PIK3C2G: variants seen among roughly 807,000 people sequenced by gnomAD.
PIK3C2G encodes phosphatidylinositol-4-phosphate 3-kinase catalytic subunit type 2 gamma, also known as phosphatidylinositol 3-kinase C2 domain-containing subunit gamma.
Under a neutral mutation model 181.1 loss-of-function variants are expected in PIK3C2G, and 168 were observed. The observed-to-expected ratio is 0.93, with a 90% CI of 0.82 to 1.05. The LOEUF is 1.05. Among genes scored for constraint, PIK3C2G ranks in the 50% least tolerant of loss-of-function variants. The pLI is 0.00. For missense variants in PIK3C2G, 1,869 were observed against 1,732.8 expected, an observed-to-expected ratio of 1.08 and a Z score of -1.40; for synonymous variants, 573 against 592.2, an observed-to-expected ratio of 0.97 and a Z score of 0.47.
At chr12:18,268,232 T>C (rs1452400320) in intron 1 of PIK3C2G, among the ~76,000 whole-genome samples, 2 of 152,168 alleles carry the variant, frequency 1.3e-5, no homozygotes, top group Non-Finnish European at 2.9e-5. Context: ...TGAATGGATG[T>C]GAGTCTTTGT....
chr12:18,409,328 G>T (rs1002443991), intron 16 of PIK3C2G, among the ~76,000 whole-genome samples: 4 of 152,034 alleles, frequency 2.6e-5, no homozygotes, highest in Admixed American at 2.6e-4. Flanking sequence ...GTTCTCGCTT[G>T]TAAGTGGGGG....
Position 18,505,338 on chromosome 12 carries a change from C to T in PIK3C2G, c.3200C>T (p.Thr1067Ile). 3 of 1,612,658 alleles carry T rather than the reference C, an allele frequency of 1.9e-6. No homozygotes were observed. Among genetic ancestry groups the T allele is most frequent in the Non-Finnish European group, 1.7e-6 (2 of 1,179,210 alleles). The stretch of plus-strand genomic sequence containing the variant: ...TCCTGTGCTGGCTGGTGTGTGGTAA[C>T]ATTCATCCTGGGAGTATGTGACCGT... Reference protein sequence around the residue: ...FYSCAGWCVVTFILGVCDRHN... With the variant: ...FYSCAGWCVVIFILGVCDRHN... The change falls in exon 24 of 33, where the codon ACA (threonine) becomes ATA (isoleucine). Residue 1067 changes from threonine to isoleucine, a missense_variant. Physicochemically the swap from Thr to Ile is moderately conservative, Grantham distance 89. Coordinates refer to ENST00000538779, the MANE Select transcript of PIK3C2G (RefSeq NM_001288772.2).
intron 15 of PIK3C2G, among the ~76,000 whole-genome samples, chr12:18,399,260 A>C (rs1339687309): frequency 6.6e-6 from 1 of 151,726 alleles, no homozygotes; most frequent in Non-Finnish European, 1.5e-5. Flanking sequence ...TTTATAAAAA[A>C]TAAAAAAAAT....
the PIK3C2G span, among the ~76,000 whole-genome samples, chr12:18,672,844 G>A: frequency 2.6e-4 from 39 of 152,260 alleles, 1 homozygote; most frequent in Middle Eastern, 0.01. Context: ...AGTCCATTCA[G>A]GGCTACTACC....
the PIK3C2G span, among the ~76,000 whole-genome samples, chr12:18,676,409 G>A: frequency 1.3e-5 from 2 of 152,062 alleles, no homozygotes; most frequent in Admixed American, 6.6e-5. Context: ...AGCAAACTGA[G>A]CATCAGTCTC....
intron 1 of PIK3C2G, among the ~76,000 whole-genome samples, chr12:18,270,486 A>C (rs959695304): frequency 6.6e-6 from 1 of 152,094 alleles, no homozygotes; most frequent in African/African-American, 2.4e-5. Context: ...AATGTGGCCC[A>C]AGGACTACTA....
the PIK3C2G span, among the ~76,000 whole-genome samples, chr12:18,702,118 C>T: frequency 1.3e-5 from 2 of 151,904 alleles, no homozygotes; most frequent in East Asian, 1.9e-4. Context: ...GAAAATGTTA[C>T]AACTTCTGGT....
chr12:18,694,011 T>G, the PIK3C2G span: 1 of 1,482,516 alleles, frequency 6.7e-7, no homozygotes, highest in Non-Finnish European at 9.4e-7. Flanking sequence ...GAACGTAGAA[T>G]GAAAGTAACA....
intron 29 of PIK3C2G, among the ~76,000 whole-genome samples, chr12:18,582,398 G>C (rs7138779): frequency 0.23 from 34,347 of 151,974 alleles, 3,834 homozygotes; most frequent in South Asian, 0.26. Context: ...GAGATCCCCT[G>C]GTGAACCCAC....
chr12:18,396,602 C>T (rs967604697), intron 15 of PIK3C2G, among the ~76,000 whole-genome samples: 14 of 151,492 alleles, frequency 9.2e-5, no homozygotes, highest in Admixed American at 7.9e-4. Context: ...AAGGTCACAG[C>T]ATTTGAGATC....
chr12:18,568,595 G>A (rs1259003322), intron 29 of PIK3C2G, among the ~76,000 whole-genome samples: 1 of 152,000 alleles, frequency 6.6e-6, no homozygotes, highest in East Asian at 1.9e-4. Flanking sequence ...TTCTGTTCAG[G>A]TATTCAATTG....
At chr12:18,680,857 G>T in the PIK3C2G span, among the ~76,000 whole-genome samples, 21 of 152,028 alleles carry the variant, frequency 1.4e-4, no homozygotes, top group African/African-American at 4.6e-4. Flanking sequence ...GTATTTGGAT[G>T]TCGTCAAGAA....
chr12:18,634,468 C>T (rs1949500809), intron 31 of PIK3C2G, among the ~76,000 whole-genome samples: 1 of 152,128 alleles, frequency 6.6e-6, no homozygotes, highest in African/African-American at 2.4e-5. Context: ...AACGCAAATC[C>T]ATTTTCACAG....
intron 31 of PIK3C2G, among the ~76,000 whole-genome samples, chr12:18,637,967 C>G (rs770659560): frequency 6.6e-6 from 1 of 152,074 alleles, no homozygotes; most frequent in Admixed American, 6.5e-5. Context: ...TTAGTGAGCC[C>G]GAAACAACAA....
In PIK3C2G at chr12:18,590,210, T is replaced by C. The variant is rs77777836; in HGVS notation, c.4012-4284T>C. Among the ~76,000 whole-genome samples the C allele has an allele frequency of 6.8e-3, 1,034 of 151,912 alleles. 10 individuals carry two copies. Among genetic ancestry groups the C allele is most frequent in the South Asian group, 0.013 (63 of 4,814 alleles). ...CATAATGTGAGAATCTTCTAGGTATTTCAGGACACTTAGGATAAGTGACAT... is the reference window on the plus strand; with the variant it reads ...CATAATGTGAGAATCTTCTAGGTATCTCAGGACACTTAGGATAAGTGACAT... On this transcript the variant is annotated intron_variant, in intron 29 of 32. Transcript: ENST00000538779.
chr12:18,570,432 C>T (rs140624364), intron 29 of PIK3C2G, among the ~76,000 whole-genome samples: 2,413 of 150,086 alleles, frequency 0.016, 207 homozygotes, highest in African/African-American at 0.057. Context: ...TGGTCTTGAA[C>T]TCCTGACCTC....
intron 5 of PIK3C2G, among the ~76,000 whole-genome samples, chr12:18,307,168 A>G (rs1218241588): frequency 6.8e-6 from 1 of 146,316 alleles, no homozygotes; most frequent in Admixed American, 7.1e-5. Context: ...ATTGCCTCAG[A>G]AATACTTTAA....
intron 6 of PIK3C2G, 109 bp from the exon 7 acceptor site, chr12:18,320,853 G>A (rs887302525): frequency 7.5e-6 from 5 of 667,152 alleles, no homozygotes; most frequent in African/African-American, 7.5e-5. Context: ...GATGAATGAG[G>A]TTTATCAAAA....
intron 14 of PIK3C2G, among the ~76,000 whole-genome samples, chr12:18,390,547 A>G (rs751750754): frequency 2.6e-5 from 4 of 152,182 alleles, no homozygotes; most frequent in Non-Finnish European, 4.4e-5. Context: ...AGAACTGTCT[A>G]TAAATCTGAA....
Sources: allele counts gnomAD v4.1 joint callset (sites outside exome capture counted in the v4.1 genomes callset), GRCh38; gene constraint gnomAD v4.1.1; transcripts MANE v1.5; gene names NCBI Gene and HGNC (gene_info 2026-07-23, HGNC 2026-07-21).